Variants in AKAP10 observed in about 807,000 individuals in gnomAD.
AKAP10 encodes A-kinase anchor protein 10, mitochondrial.
Under a neutral mutation model 80.8 loss-of-function variants are expected in AKAP10, and 24 were observed. The observed-to-expected ratio is 0.30, with a 90% CI of 0.22 to 0.42. The LOEUF is 0.42. Ranked by LOEUF, AKAP10 falls within the 10% of genes least tolerant of loss-of-function variation. The pLI, the probability that AKAP10 is intolerant of heterozygous loss-of-function variation, is 1.00. For synonymous variants in AKAP10, 291 were observed against 277.7 expected, an observed-to-expected ratio of 1.05 and a Z score of -0.48; for missense variants, 661 against 794.9, an observed-to-expected ratio of 0.83 and a Z score of 2.03.
intron 8 of AKAP10, among the ~76,000 whole-genome samples, chr17:19,938,062 T>A (rs2043011764): frequency 6.7e-6 from 1 of 149,836 alleles, no homozygotes; most frequent in African/African-American, 2.5e-5. Flanking sequence ...GTAGCTGGGA[T>A]TATAGGCACC....
chr17:19,920,389 TAAG>T (rs922157124), intron 11 of AKAP10, among the ~76,000 whole-genome samples: 1 of 151,764 alleles, frequency 6.6e-6, no homozygotes, highest in African/African-American at 2.4e-5. Context: ...AATTCACAAA[TAAG>T]AAAAAAGGCA....
intron 4 of AKAP10, 79 bp downstream of exon 4, chr17:19,957,935 C>A: frequency 1.4e-6 from 2 of 1,380,488 alleles, no homozygotes; most frequent in Admixed American, 4.5e-5. Flanking sequence ...TCATTTTATT[C>A]CTCATCTGAA....
intron 2 of AKAP10, among the ~76,000 whole-genome samples, chr17:19,966,853 G>T (rs560349564): frequency 1.3e-5 from 2 of 152,056 alleles, no homozygotes; most frequent in South Asian, 4.2e-4. Flanking sequence ...GTCTTTACAG[G>T]TCTCTGCTTG....
At chr17:19,912,821 A>G (rs1336072931) in intron 12 of AKAP10, among the ~76,000 whole-genome samples, 1 of 152,160 alleles carries the variant, frequency 6.6e-6, no homozygotes, top group Non-Finnish European at 1.5e-5. Flanking sequence ...GCTGCCCTCA[A>G]TAAGGAAGGA....
intron 1 of AKAP10, among the ~76,000 whole-genome samples, 200 bp downstream of exon 1, chr17:19,977,392 T>A (rs1467020195): frequency 6.6e-6 from 1 of 152,210 alleles, no homozygotes. Context: ...ACAATACTCC[T>A]CTGACCTCGC....
In AKAP10 at chr17:19,977,827, T is replaced by G; in HGVS notation, c.-148A>C. On this transcript the variant is annotated 5_prime_UTR_variant, in exon 1 of 15. Transcript: ENST00000225737. ...TTATCAACAAGCCGCCCGCCCGGAG[T>G]TCCGGTCCTTCCCCGCGCTAGGCTT... The G allele has an allele frequency of 2.3e-6, 1 of 429,544 alleles. No homozygotes were observed. The highest frequency in any genetic ancestry group is 3.9e-6 in the Non-Finnish European group (1 of 253,908). The allele number at this position is 429,544 out of a possible 1,614,324, so 26.6% of individuals were successfully genotyped here. A position where few individuals can be genotyped will look rare whatever the true frequency, so the allele number is the denominator to read the frequency against.
intron 6 of AKAP10, 90 bp downstream of exon 6, chr17:19,941,736 A>C: frequency 1.1e-6 from 1 of 895,050 alleles, no homozygotes; most frequent in Non-Finnish European, 1.5e-6. Context: ...AATTCTCAAA[A>C]ATACTTTGTT....
intron 4 of AKAP10, among the ~76,000 whole-genome samples, chr17:19,952,504 A>G (rs1312540575): frequency 6.6e-6 from 1 of 150,892 alleles, no homozygotes; most frequent in Non-Finnish European, 1.5e-5. Context: ...ATAAATAAAT[A>G]ACACTACCCA....
intron 14 of AKAP10, among the ~76,000 whole-genome samples, chr17:19,907,410 C>CTTTTT (rs59027197): frequency 5.1e-5 from 7 of 136,408 alleles, no homozygotes; most frequent in African/African-American, 1.3e-4. Context: ...TTTTCTTTAA[C>CTTTTT]TTTTTTTTTT....
intron 1 of AKAP10, 55 bp downstream of exon 1, chr17:19,977,537 C>G: frequency 8.2e-7 from 1 of 1,212,432 alleles, no homozygotes; most frequent in Non-Finnish European, 1.0e-6. Flanking sequence ...GCCCACCTGC[C>G]CCACCGCCGC....
intron 5 of AKAP10, chr17:19,947,145 CCCGGCTGCTCAGCAGCGGGCA>C: frequency 2.3e-6 from 1 of 428,228 alleles, no homozygotes. Flanking sequence ...CGCCCGCCGG[CCCGGCTGCTCAGCAGCGGGCA>C]GGCCTGAGCA....
rs1898424436 is a variant in AKAP10, at chr17:19,977,751, G to A, written c.-72C>T. 2.0e-6 allele frequency: 2 copies of A among 991,216 alleles called. No individual in the cohort carries two copies. The highest frequency in any genetic ancestry group is 2.6e-6 in the Non-Finnish European group (2 of 765,852). 61.4% of individuals were successfully genotyped at this position (991,216 alleles called of 1,614,324 possible). On this transcript the variant is annotated 5_prime_UTR_variant, in exon 1 of 15. Coordinates refer to ENST00000225737, the MANE Select transcript of AKAP10 (RefSeq NM_007202.4). ...GCGCGAAAAGGGACCCTTCTTCCGG[G>A]AGTGGGCCCCACCGCCTCCTCGGGA...
At chr17:19,919,965 G>GT in intron 12 of AKAP10, 71 bp downstream of exon 12, 5 of 1,297,928 alleles carry the variant, frequency 3.9e-6, no homozygotes, top group Non-Finnish European at 5.5e-6. Context: ...TAAACCTTAA[G>GT]TGGTCTTTGA....
At chr17:19,960,519 TGTATC>T (rs2043335565) in intron 3 of AKAP10, among the ~76,000 whole-genome samples, 1 of 152,248 alleles carries the variant, frequency 6.6e-6, no homozygotes. Context: ...GGTGGTTAAA[TGTATC>T]AACAGTTTGT....
At chr17:19,936,485 C>T in intron 8 of AKAP10, 55 bp from the exon 9 acceptor site, 3 of 1,504,740 alleles carry the variant, frequency 2.0e-6, no homozygotes, top group East Asian at 2.3e-5. Context: ...GTATAAGCAA[C>T]TTTCAGCACC....
intron 4 of AKAP10, among the ~76,000 whole-genome samples, chr17:19,955,317 AC>A (rs2043263161): frequency 6.6e-6 from 1 of 152,156 alleles, no homozygotes; most frequent in African/African-American, 2.4e-5. Context: ...GTGGGGCTTG[AC>A]TTCAAAGGTG....
At chr17:19,940,739 C>G in intron 7 of AKAP10, 148 bp downstream of exon 7, 1 of 877,576 alleles carries the variant, frequency 1.1e-6, no homozygotes, top group Non-Finnish European at 1.6e-6. Flanking sequence ...TTAAATTACT[C>G]TTGCCATCAG....
chr17:19,906,673 A>G (rs997573246), intron 14 of AKAP10, among the ~76,000 whole-genome samples: 3 of 152,202 alleles, frequency 2.0e-5, no homozygotes, highest in Non-Finnish European at 2.9e-5. Flanking sequence ...GGTCCCCGGT[A>G]TTGTGGCATG....
intron 2 of AKAP10, among the ~76,000 whole-genome samples, chr17:19,966,185 C>A (rs2043416418): frequency 6.6e-6 from 1 of 152,162 alleles, no homozygotes; most frequent in African/African-American, 2.4e-5. Flanking sequence ...TGTTTTGGTT[C>A]TGTTAGGCAA....
Sources: gnomAD v4.1 joint callset for allele counts (sites outside exome capture counted in the v4.1 genomes callset) on GRCh38, gnomAD v4.1.1 for gene constraint, MANE v1.5 for transcripts, NCBI Gene and HGNC (gene_info 2026-07-23, HGNC 2026-07-21) for gene names.